Variants in IDE observed in about 807,000 individuals in gnomAD.
IDE encodes insulin-degrading enzyme.
In IDE, 58 loss-of-function variants were observed where a neutral mutation model predicts 133.2. The observed-to-expected ratio is 0.44, with a 90% confidence interval of 0.35 to 0.54. The LOEUF is 0.54. Among genes scored for constraint, IDE ranks in the 20% least tolerant of loss-of-function variants. IDE has a pLI of 0.00. For missense variants in IDE, 981 were observed against 1,234.0 expected (o/e 0.79, Z 3.07); for synonymous variants, 396 against 421.3 (o/e 0.94, Z 0.73).
chr10:92,464,188 T>C (rs1303326544), intron 20 of IDE, among the ~76,000 whole-genome samples, 185 bp from the exon 21 acceptor site: 8 of 152,216 alleles, frequency 5.3e-5, no homozygotes, highest in African/African-American at 1.9e-4. Flanking sequence ...AAGAGCTCTC[T>C]GAAGAATTAC....
In IDE at chr10:92,510,772, T is replaced by C. The variant is rs1266948958; in HGVS notation, c.785-610A>G. On this transcript the variant is annotated intron_variant, in intron 5 of 24. Transcript: ENST00000265986. ...ACATACATCTCACATATATGATATA[T>C]AGCACATACATCTCACATGATATAT... Among the ~76,000 whole-genome samples the C allele has an allele frequency of 5.3e-5, 4 of 75,590 alleles. No homozygotes were observed. The East Asian group carries it at 1.5e-3, about 29-fold the overall frequency. The allele number at this position is 75,590 out of a possible 152,430, so 49.6% of individuals were successfully genotyped here.
chr10:92,530,445 C>T (rs991056693), intron 4 of IDE, among the ~76,000 whole-genome samples: 2 of 151,854 alleles, frequency 1.3e-5, no homozygotes, highest in Admixed American at 1.3e-4. Context: ...ACCACCATGC[C>T]TGGCTAATTA....
chr10:92,510,875 CATGAT>C (rs1049316295), intron 5 of IDE, among the ~76,000 whole-genome samples: 2 of 150,038 alleles, frequency 1.3e-5, no homozygotes, highest in Non-Finnish European at 3.0e-5. Flanking sequence ...ATATCACATA[CATGAT>C]ATATCACATA....
At position 92,515,008 on chromosome 10, in the gene IDE, T is replaced by C. The variant is rs769676580; in HGVS notation, c.696A>G (p.Gln232=). ...GCTCTTGTCTTACATCAATGCCTTC[T>C]TGGTTTGGTCTAGTCTCCAGAGTAT... The part of the protein sequence containing the change: ...NKYTLETRPN[Q]EGIDVRQELL... Residue 232 remains glutamine, a synonymous_variant, in exon 5 of 25, where the codon CAA becomes CAG. Transcript: ENST00000265986. 8.1e-6 allele frequency: 13 copies of C among 1,611,830 alleles called. No individual in the cohort carries two copies. In the South Asian group the frequency reaches 1.3e-4, roughly 16 times the overall value.
At chr10:92,539,352 A>G (rs1227102380) in intron 1 of IDE, among the ~76,000 whole-genome samples, 1 of 152,212 alleles carries the variant, frequency 6.6e-6, no homozygotes, top group Non-Finnish European at 1.5e-5. Flanking sequence ...TCTCCTATTT[A>G]TAGTAAAAAT....
chr10:92,550,949 T>C (rs1191827903), intron 1 of IDE, among the ~76,000 whole-genome samples: 1 of 152,170 alleles, frequency 6.6e-6, no homozygotes, highest in Non-Finnish European at 1.5e-5. Context: ...TGTGCACACT[T>C]GCTAGTGGGA....
chr10:92,478,431 C>T (rs562561176), intron 15 of IDE, among the ~76,000 whole-genome samples: 11 of 152,126 alleles, frequency 7.2e-5, no homozygotes, highest in Non-Finnish European at 1.2e-4. Flanking sequence ...TGCAAATAAA[C>T]GTAGCACACA....
intron 15 of IDE, among the ~76,000 whole-genome samples, chr10:92,476,955 T>C (rs1240151209): frequency 6.6e-6 from 1 of 152,058 alleles, no homozygotes; most frequent in African/African-American, 2.4e-5. Context: ...GCAACATAGT[T>C]AGACTCCTGA....
chr10:92,506,573 C>CA, intron 9 of IDE, 51 bp from the exon 10 acceptor site: 10 of 683,620 alleles, frequency 1.5e-5, no homozygotes, highest in Non-Finnish European at 2.2e-5. Flanking sequence ...ATTTAGAAAC[C>CA]TTTTTTTTTT....
chr10:92,554,196 A>G (rs1842910050), intron 1 of IDE, among the ~76,000 whole-genome samples: 1 of 152,232 alleles, frequency 6.6e-6, no homozygotes, highest in Non-Finnish European at 1.5e-5. Context: ...TTGCAAATCA[A>G]TAAATGTGAT....
At position 92,468,976 on chromosome 10, in the gene IDE, A is replaced by G. The variant is rs1845829075; in HGVS notation, c.2223T>C (p.Ile741=). Residue 741 remains isoleucine, a synonymous_variant, in exon 19 of 25, where the codon ATT becomes ATC. Transcript: ENST00000265986. ...TGAGGGTGTCTTCAACCATCTGCAT[A>G]ATTCCTAATGCAGCCTATGGAAAAA... is the stretch of plus-strand genomic sequence containing the variant. ...GNITKQAALG[I]MQMVEDTLIE... is the part of the protein sequence containing the mutation. 1.9e-6 allele frequency: 3 copies of G among 1,588,498 alleles called. No homozygotes were observed. Among genetic ancestry groups the G allele is most frequent in the Non-Finnish European group, 2.6e-6 (3 of 1,156,638 alleles).
intron 11 of IDE, among the ~76,000 whole-genome samples, chr10:92,495,307 G>A (rs1847620708): frequency 7.0e-6 from 1 of 143,006 alleles, no homozygotes; most frequent in African/African-American, 2.6e-5. Flanking sequence ...CACAACCTCC[G>A]CCTCCTGGAT....
chr10:92,570,667 C>T (rs186940719), intron 1 of IDE, among the ~76,000 whole-genome samples: 3 of 152,104 alleles, frequency 2.0e-5, no homozygotes, highest in Admixed American at 2.0e-4. Context: ...ATGCCTGTAA[C>T]CCCAGCACTT....
chr10:92,510,846 T>TATGATATATATCACATATATATTACATAC, intron 5 of IDE, among the ~76,000 whole-genome samples: 1 of 148,492 alleles, frequency 6.7e-6, no homozygotes, highest in African/African-American at 2.4e-5. Context: ...ATATCACACA[T>TATGATATATATCACATATATATTACATAC]ATGATATATA....
At position 92,525,020 on chromosome 10, in the gene IDE, G is replaced by T. The variant is rs150014603; in HGVS notation, c.661+6728C>A. 3.4e-3 allele frequency among the ~76,000 whole-genome samples: 502 copies of T among 146,826 alleles called. 1 individual carries two copies. Among genetic ancestry groups the T allele is most frequent in the African/African-American group, 0.012 (488 of 39,738 alleles). On this transcript the variant is annotated intron_variant, in intron 4 of 24. Transcript: ENST00000265986. ...TCATGCCTGTAATCCCAGCACTTTG[G>T]GAGGCCGAGGTGGGTGGATCACTTG...
chr10:92,495,770 G>GA lies in IDE; in HGVS notation c.1431-5176dup, dbSNP rs199508186. The stretch of plus-strand genomic sequence containing the variant: ...GGATACACACAAAAGACAGAAAGTT[G>GA]AAAAAAAAATCTATTGATGAGATTC... On this transcript the variant is annotated intron_variant, in intron 11 of 24. Transcript: ENST00000265986. Among the ~76,000 whole-genome samples the GA allele has an allele frequency of 5.1e-3, 763 of 149,388 alleles. 6 individuals are homozygous for GA. The highest frequency in any genetic ancestry group is 7.3e-3 in the Non-Finnish European group (492 of 67,296).
In IDE at chr10:92,455,594, T is replaced by C. The variant is rs1844957048; in HGVS notation, c.2946A>G (p.Gln982=). 2 of 1,598,332 alleles carry C rather than the reference T, an allele frequency of 1.3e-6. No homozygotes were observed. The highest frequency in any genetic ancestry group is 1.7e-6 in the Non-Finnish European group (2 of 1,165,868). The change falls in exon 24 of 25, where the codon CAA becomes CAG. Residue 982 remains glutamine (Q), a synonymous_variant. Coordinates refer to ENST00000265986, the MANE Select transcript of IDE (RefSeq NM_004969.4). Reference sequence around the variant, plus strand: ...TTCTTACTTGTGGCAAGGCTGGTGCTTGTGACAAATTTATGTCATTTTGAC... The same window carrying C: ...TTCTTACTTGTGGCAAGGCTGGTGCCTGTGACAAATTTATGTCATTTTGAC... ...FPCQNDINLS[Q]APALPQPEVI... is the part of the protein sequence containing the mutation.
chr10:92,465,774 G>A lies in IDE; in HGVS notation c.2390C>T (p.Thr797Ile), dbSNP rs1845651512. 2 of 1,613,684 alleles carry A rather than the reference G, an allele frequency of 1.2e-6. No homozygotes were observed. Among genetic ancestry groups the A allele is most frequent in the South Asian group, 1.1e-5 (1 of 91,076 alleles). ...ATTCTCTGAGGTGCTTTGCATGTCTGTTTGGTAGTATATCTCGATGCCACA... is the reference window on the plus strand; with the variant it reads ...ATTCTCTGAGGTGCTTTGCATGTCTATTTGGTAGTATATCTCGATGCCACA... ...NNCGIEIYYQ[T>I]DMQSTSENMF... Residue 797 changes from threonine (T) to isoleucine (I), a missense_variant, in exon 20 of 25, where the codon ACA becomes ATA. Coordinates refer to ENST00000265986, the MANE Select transcript of IDE (RefSeq NM_004969.4).
intron 6 of IDE, 117 bp downstream of exon 6, chr10:92,509,933 A>AC: frequency 5.4e-6 from 3 of 560,392 alleles, no homozygotes; most frequent in Admixed American, 3.2e-5. Flanking sequence ...AAAAAAAAAA[A>AC]AAAAAACACA....
Sources: allele counts gnomAD v4.1 joint callset (sites outside exome capture counted in the v4.1 genomes callset), GRCh38; gene constraint gnomAD v4.1.1; transcripts MANE v1.5; gene names NCBI Gene and HGNC (gene_info 2026-07-23, HGNC 2026-07-21).